TNS3: variants seen among roughly 807,000 people sequenced by gnomAD.
TNS3 encodes tensin-3.
A neutral mutation model predicts 140.9 loss-of-function variants in TNS3; 45 were observed. The ratio of observed to expected loss-of-function variants is 0.32; its 90% CI spans 0.25 to 0.41. The LOEUF is 0.41. Among genes scored for constraint, TNS3 ranks in the 10% least tolerant of loss-of-function variants. TNS3 has a pLI of 1.00. For missense variants in TNS3, 1,716 were observed against 1,906.7 expected (o/e 0.90, Z 1.86); for synonymous variants, 815 against 788.4 (o/e 1.03, Z -0.56).
intron 1 of TNS3, among the ~76,000 whole-genome samples, chr7:47,580,847 A>G (rs1411878746): frequency 1.3e-5 from 2 of 152,194 alleles, no homozygotes; most frequent in Non-Finnish European, 2.9e-5. Context: ...GCCATGCAAT[A>G]TTAATACAAT....
chr7:47,385,654 G>C (rs576608262), intron 16 of TNS3, among the ~76,000 whole-genome samples: 49 of 152,292 alleles, frequency 3.2e-4, no homozygotes, highest in Admixed American at 1.2e-3. Flanking sequence ...ATTAACAAGA[G>C]AGCAATATAT....
chr7:47,358,659 G>T (rs898941458), intron 17 of TNS3, among the ~76,000 whole-genome samples: 1 of 152,216 alleles, frequency 6.6e-6, no homozygotes, highest in Admixed American at 6.5e-5. Context: ...GGTGCACAGA[G>T]AGGGCTCACC....
intron 3 of TNS3, among the ~76,000 whole-genome samples, chr7:47,496,373 C>T (rs1049687818): frequency 6.6e-6 from 1 of 152,110 alleles, no homozygotes; most frequent in Admixed American, 6.6e-5. Context: ...GGACGTTTCC[C>T]CTGTGACCAG....
intron 4 of TNS3, among the ~76,000 whole-genome samples, chr7:47,457,149 G>A (rs1383502437): frequency 4.9e-5 from 2 of 41,000 alleles, no homozygotes; most frequent in African/African-American, 2.0e-4. Context: ...GGGAGGGGAG[G>A]GGAGGGGAAG....
At chr7:47,353,617 C>T (rs528430297) in intron 17 of TNS3, among the ~76,000 whole-genome samples, 18 of 152,216 alleles carry the variant, frequency 1.2e-4, no homozygotes, top group Non-Finnish European at 1.5e-4. Context: ...TTCCTGAGCA[C>T]TCCCCGAGGG....
chr7:47,335,077 T>C (rs1382789560), intron 20 of TNS3, among the ~76,000 whole-genome samples: 7 of 152,222 alleles, frequency 4.6e-5, no homozygotes, highest in African/African-American at 1.7e-4. Flanking sequence ...ACGACTCCCA[T>C]TGTTACATTT....
At chr7:47,511,037 A>C (rs2151893834) in intron 2 of TNS3, among the ~76,000 whole-genome samples, 1 of 152,358 alleles carries the variant, frequency 6.6e-6, no homozygotes, top group South Asian at 2.1e-4. Context: ...TAATTTCCAA[A>C]TGTCCAGTGC....
intron 4 of TNS3, among the ~76,000 whole-genome samples, chr7:47,470,806 T>C (rs1796918772): frequency 6.6e-6 from 1 of 152,200 alleles, no homozygotes; most frequent in African/African-American, 2.4e-5. Context: ...TTCCCTGCTG[T>C]TGACCGTTCA....
intron 17 of TNS3, among the ~76,000 whole-genome samples, chr7:47,364,174 A>T (rs935593093): frequency 2.6e-5 from 4 of 152,174 alleles, no homozygotes; most frequent in Non-Finnish European, 5.9e-5. Context: ...TTTAAATTTT[A>T]AAATCAAAAG....
At chr7:47,557,227 G>A (rs1443802226) in intron 1 of TNS3, 1 of 432,898 alleles carries the variant, frequency 2.3e-6, no homozygotes, top group East Asian at 7.1e-5. Flanking sequence ...CCTACGTAAG[G>A]GAGAGGCTGA....
chr7:47,325,578 G>A (rs541451385), intron 20 of TNS3, among the ~76,000 whole-genome samples: 150 of 152,306 alleles, frequency 9.8e-4, no homozygotes, highest in African/African-American at 3.4e-3. Flanking sequence ...GGAGCAAGAA[G>A]GCAGAGTGTG....
At chr7:47,361,825 G>C (rs1790353678) in intron 17 of TNS3, among the ~76,000 whole-genome samples, 1 of 152,146 alleles carries the variant, frequency 6.6e-6, no homozygotes, top group South Asian at 2.1e-4. Flanking sequence ...AAGCAGAACA[G>C]GGCCTGCCAG....
intron 4 of TNS3, among the ~76,000 whole-genome samples, chr7:47,453,655 A>G (rs1353075322): frequency 6.6e-6 from 1 of 152,260 alleles, no homozygotes; most frequent in Admixed American, 6.5e-5. Context: ...GGTTAAAGAC[A>G]AGAGTGGCCA....
At chr7:47,311,230 T>C (rs1490892693) in intron 20 of TNS3, among the ~76,000 whole-genome samples, 1 of 152,206 alleles carries the variant, frequency 6.6e-6, no homozygotes, top group Non-Finnish European at 1.5e-5. Context: ...CCAGCACCTG[T>C]TGTTTCCTGA....
At chr7:47,374,002 C>T (rs1791226600) in intron 16 of TNS3, among the ~76,000 whole-genome samples, 1 of 152,228 alleles carries the variant, frequency 6.6e-6, no homozygotes, top group African/African-American at 2.4e-5. Context: ...CCAGGCAGCA[C>T]AGCCAGGTCC....
chr7:47,500,235 C>T (rs191795239), intron 3 of TNS3, among the ~76,000 whole-genome samples: 2 of 152,244 alleles, frequency 1.3e-5, no homozygotes, highest in Admixed American at 1.3e-4. Flanking sequence ...GCTCTGTGCA[C>T]GGCCGAGAGC....
intron 1 of TNS3, among the ~76,000 whole-genome samples, chr7:47,566,821 C>A (rs1457429901): frequency 6.6e-6 from 1 of 152,092 alleles, no homozygotes; most frequent in Admixed American, 6.5e-5. Flanking sequence ...AGGTGGATCA[C>A]CTGAGTGCAG....
At position 47,544,001 on chromosome 7, in the gene TNS3, A is replaced by G. The variant is rs184929226; in HGVS notation, c.-264-14854T>C. Among the ~76,000 whole-genome samples the G allele has an allele frequency of 2.9e-3, 435 of 152,306 alleles. 3 individuals carry two copies. In the Middle Eastern group the frequency reaches 0.051, roughly 18 times the overall value. ...TTCCCCCTGACTTTGAGAAGTAAAT[A>G]AAAAATGCTTTCCTTACAAAATTCC... On this transcript the variant is annotated intron_variant, in intron 1 of 30. Transcript: ENST00000311160.
At chr7:47,514,118 T>C (rs963316860) in intron 2 of TNS3, among the ~76,000 whole-genome samples, 2 of 152,198 alleles carry the variant, frequency 1.3e-5, no homozygotes, top group African/African-American at 4.8e-5. Flanking sequence ...CTGCTTCTCC[T>C]AGCATCAACT....
Sources: allele counts gnomAD v4.1 joint callset (sites outside exome capture counted in the v4.1 genomes callset), GRCh38; gene constraint gnomAD v4.1.1; transcripts MANE v1.5; gene names NCBI Gene and HGNC (gene_info 2026-07-23, HGNC 2026-07-21).